BCAR3: variants seen among roughly 807,000 people sequenced by gnomAD.
BCAR3 encodes the protein BCAR3 adaptor protein, NSP family member.
A neutral mutation model predicts 80.1 loss-of-function variants in BCAR3; 37 were observed. That is an observed-to-expected ratio of 0.46 (90% CI 0.36 to 0.61). BCAR3 has a LOEUF of 0.61. BCAR3 is among the 20% of genes least tolerant of loss of function. The pLI is 0.00. For missense variants in BCAR3, 978 were observed against 1,068.2 expected (o/e 0.92, Z 1.18); for synonymous variants, 389 against 418.9 (o/e 0.93, Z 0.87).
At chr1:93,756,493 C>T (rs769116685) in intron 2 of BCAR3, among the ~76,000 whole-genome samples, 1 of 152,204 alleles carries the variant, frequency 6.6e-6, no homozygotes, top group East Asian at 1.9e-4. Flanking sequence ...TTATGTTATA[C>T]AAGTTCTTGT....
At chr1:93,563,785 C>T (rs748824496) in intron 11 of BCAR3, among the ~76,000 whole-genome samples, 3 of 152,206 alleles carry the variant, frequency 2.0e-5, no homozygotes, top group Admixed American at 6.5e-5. Flanking sequence ...CTCTACCTCT[C>T]GGGTTCAAGC....
chr1:93,771,265 T>TCC (rs1652348581), intron 2 of BCAR3, among the ~76,000 whole-genome samples: 1 of 152,188 alleles, frequency 6.6e-6, no homozygotes, highest in African/African-American at 2.4e-5. Flanking sequence ...GGCAATCTAA[T>TCC]TCCAGAGCCC....
At chr1:93,642,093 G>A (rs1446035710) in intron 3 of BCAR3, among the ~76,000 whole-genome samples, 1 of 152,138 alleles carries the variant, frequency 6.6e-6, no homozygotes, top group East Asian at 1.9e-4. Flanking sequence ...CTGGCTCTAA[G>A]GCCAGATAAG....
In BCAR3 at chr1:93,769,174, G is replaced by A. The variant is rs888989098; in HGVS notation, c.-62-63032C>T. On this transcript the variant is annotated intron_variant, in intron 2 of 13. Coordinates refer to the BCAR3 transcript ENST00000370244. ...CACAGCTGGCAAGCACACCCACACC[G>A]TTAGGCTGCAACTCCCTGAACTAAT... Among the ~76,000 whole-genome samples, 26 of 152,170 alleles carry A rather than the reference G, an allele frequency of 1.7e-4. 1 individual carries two copies. Among genetic ancestry groups the A allele is most frequent in the South Asian group, 2.1e-4 (1 of 4,824 alleles).
chr1:93,789,512 A>G (rs973442411), intron 2 of BCAR3, among the ~76,000 whole-genome samples: 9 of 152,260 alleles, frequency 5.9e-5, no homozygotes, highest in African/African-American at 2.2e-4. Flanking sequence ...ACGTATTAGT[A>G]TATTTATTAG....
At chr1:93,566,605 C>T (rs1672962961) in intron 11 of BCAR3, among the ~76,000 whole-genome samples, 2 of 152,122 alleles carry the variant, frequency 1.3e-5, no homozygotes, top group Admixed American at 6.5e-5. Context: ...CAGGGGAGCT[C>T]ACTTCCCAGT....
At chr1:93,688,125 G>T (rs1275847559) in intron 3 of BCAR3, among the ~76,000 whole-genome samples, 2 of 152,168 alleles carry the variant, frequency 1.3e-5, no homozygotes, top group African/African-American at 4.8e-5. Context: ...TACTAGGCAG[G>T]GAAGTCAACT....
At chr1:93,707,385 C>G (rs1649861365) in intron 2 of BCAR3, among the ~76,000 whole-genome samples, 1 of 151,986 alleles carries the variant, frequency 6.6e-6, no homozygotes, top group Non-Finnish European at 1.5e-5. Context: ...AGTAGATATG[C>G]AAAATCCGCA....
In BCAR3 at chr1:93,582,544, A is replaced by G. The variant is rs1428974434; in HGVS notation, c.1443T>C (p.Asp481=). 1 of 1,613,506 alleles carries G rather than the reference A, an allele frequency of 6.2e-7. No individual in the cohort carries two copies. Among genetic ancestry groups the G allele is most frequent in the Non-Finnish European group, 8.5e-7 (1 of 1,179,770 alleles). The stretch of plus-strand genomic sequence containing the variant: ...CAGGTTCCCAAGGTCTTTCCCTGTC[A>G]TCATCATCAAGGATCAAGTAGTTGA... ...SGVNYLILDD[D]DRERPWEPAA... is the part of the protein sequence containing the mutation. The change falls in exon 7 of 12, where the codon GAT becomes GAC. Residue 481 remains aspartate, a synonymous_variant. Transcript: ENST00000260502.
chr1:93,724,299 A>G, intron 2 of BCAR3, among the ~76,000 whole-genome samples: 1 of 152,140 alleles, frequency 6.6e-6, no homozygotes, highest in Non-Finnish European at 1.5e-5. Context: ...CACCAGTCCC[A>G]TTGTGAATGG....
intron 2 of BCAR3, among the ~76,000 whole-genome samples, chr1:93,782,611 G>C (rs1421664408): frequency 1.3e-5 from 2 of 152,204 alleles, no homozygotes; most frequent in African/African-American, 4.8e-5. Context: ...GTGTTCATAA[G>C]GACTGAGCAA....
chr1:93,743,417 T>A (rs1651247806), intron 2 of BCAR3, among the ~76,000 whole-genome samples: 1 of 152,212 alleles, frequency 6.6e-6, no homozygotes, highest in South Asian at 2.1e-4. Context: ...AAGAGTCCTG[T>A]AAACAGCCCC....
chr1:93,574,295 T>C (rs569953588), intron 8 of BCAR3, among the ~76,000 whole-genome samples: 24 of 152,292 alleles, frequency 1.6e-4, no homozygotes, highest in Admixed American at 9.8e-4. Flanking sequence ...GGTGAGGTGG[T>C]AAATTAAAAA....
chr1:93,601,663 A>T (rs942066916), intron 3 of BCAR3, among the ~76,000 whole-genome samples: 2 of 152,208 alleles, frequency 1.3e-5, no homozygotes, highest in Admixed American at 6.5e-5. Flanking sequence ...TTGTTGAGAA[A>T]TTTTTTGTTG....
At chr1:93,637,188 T>G in intron 3 of BCAR3, among the ~76,000 whole-genome samples, 1 of 151,802 alleles carries the variant, frequency 6.6e-6, no homozygotes, top group Non-Finnish European at 1.5e-5. Context: ...TTTTTTTTTT[T>G]GAGACGAGTC....
intron 3 of BCAR3, among the ~76,000 whole-genome samples, chr1:93,698,557 ACCACGAGGCCTCCGTGG>A (rs1288605674): frequency 6.6e-6 from 1 of 152,048 alleles, no homozygotes; most frequent in East Asian, 1.9e-4. Context: ...GCCTACCCCA[ACCACGAGGCCTCCGTGG>A]CCAGAGGAGA....
Position 93,678,910 on chromosome 1 carries a change from T to C in BCAR3, c.-12+2688A>G, listed in dbSNP as rs147271184. On this transcript the variant is annotated intron_variant, in intron 1 of 11. Coordinates refer to ENST00000260502, the MANE Select transcript of BCAR3 (RefSeq NM_003567.4). ...AGCTGATGGAGACTAAACCCAAGTC[T>C]CCAGCCTCTGGCTCCCATGTTTTCT... Among the ~76,000 whole-genome samples the C allele has an allele frequency of 3.8e-3, 580 of 152,304 alleles. 2 individuals carry two copies. Among genetic ancestry groups the C allele is most frequent in the Middle Eastern group, 0.024 (7 of 294 alleles).
chr1:93,616,283 T>A (rs1675124015), intron 3 of BCAR3, among the ~76,000 whole-genome samples: 1 of 152,208 alleles, frequency 6.6e-6, no homozygotes, highest in Non-Finnish European at 1.5e-5. Context: ...ACACCAAAAA[T>A]AATTTCTGAA....
intron 2 of BCAR3, among the ~76,000 whole-genome samples, chr1:93,757,431 A>G (rs918550647): frequency 2.6e-5 from 4 of 152,238 alleles, no homozygotes; most frequent in Non-Finnish European, 4.4e-5. Context: ...TCCGAGGCCA[A>G]CTTTCAAGGG....
Sources: allele counts gnomAD v4.1 joint callset (sites outside exome capture counted in the v4.1 genomes callset), GRCh38; gene constraint gnomAD v4.1.1; transcripts MANE v1.5; gene names NCBI Gene and HGNC (gene_info 2026-07-23, HGNC 2026-07-21).